The following MACROD2 variants were observed in gnomAD, a reference collection of about 807,000 sequenced individuals.
MACROD2 encodes ADP-ribose glycohydrolase MACROD2.
In MACROD2, 36 loss-of-function variants were observed where a neutral mutation model predicts 70.4. The observed-to-expected ratio is 0.51, with a 90% CI of 0.39 to 0.68. The LOEUF is 0.68. Ranked by LOEUF, MACROD2 falls within the 30% of genes least tolerant of loss-of-function variation. The probability of loss-of-function intolerance (pLI) is 0.00; values close to 1 mark genes in which losing one functional copy is unlikely to be tolerated. For synonymous variants in MACROD2, 172 were observed against 178.8 expected (o/e 0.96, Z 0.30); for missense variants, 496 against 538.4 (o/e 0.92, Z 0.78).
chr20:14,535,242 G>A lies in MACROD2; in HGVS notation c.301+41734G>A, dbSNP rs1459550897. On this transcript the variant is annotated intron_variant, in intron 4 of 17. Coordinates refer to ENST00000684519, the MANE Select transcript of MACROD2 (RefSeq NM_001351661.2). ...ATCTTGGCTGGGCGCAGTGGCTCACGCCTGTAATCCCAGCACTTTGGGAGG... is the reference window on the plus strand; with the variant it reads ...ATCTTGGCTGGGCGCAGTGGCTCACACCTGTAATCCCAGCACTTTGGGAGG... Among the ~76,000 whole-genome samples, 11 of 152,076 alleles carry A rather than the reference G, an allele frequency of 7.2e-5. No individual in the cohort carries two copies. In the South Asian group the frequency reaches 1.4e-3, roughly 20 times the overall value.
At chr20:15,534,838 C>T (rs2047852089) in intron 8 of MACROD2, among the ~76,000 whole-genome samples, 1 of 152,082 alleles carries the variant, frequency 6.6e-6, no homozygotes. Flanking sequence ...AGCATCTTGC[C>T]AACTCTAAAT....
intron 4 of MACROD2, among the ~76,000 whole-genome samples, chr20:14,612,733 G>A (rs1244847619): frequency 1.3e-5 from 2 of 151,968 alleles, no homozygotes; most frequent in Non-Finnish European, 2.9e-5. Flanking sequence ...GATCTATAAA[G>A]TTCTTAAAAC....
At chr20:14,046,752 T>C (rs1010678902) in intron 2 of MACROD2, among the ~76,000 whole-genome samples, 7 of 151,228 alleles carry the variant, frequency 4.6e-5, no homozygotes, top group Admixed American at 4.6e-4. Context: ...TATTTATTTA[T>C]TTATTAAGCT....
At chr20:14,102,412 A>G (rs570865618) in intron 3 of MACROD2, among the ~76,000 whole-genome samples, 92 of 152,248 alleles carry the variant, frequency 6.0e-4, no homozygotes, top group African/African-American at 1.9e-3. Flanking sequence ...CAGACTTCTT[A>G]ATTTGGGATA....
intron 5 of MACROD2, among the ~76,000 whole-genome samples, chr20:15,049,288 A>G (rs2123047638): frequency 6.6e-6 from 1 of 152,138 alleles, no homozygotes; most frequent in African/African-American, 2.4e-5. Flanking sequence ...GAAGGGAAAG[A>G]AAGAGGGAGA....
chr20:15,586,423 A>G (rs2048602462), intron 8 of MACROD2, among the ~76,000 whole-genome samples: 1 of 152,252 alleles, frequency 6.6e-6, no homozygotes, highest in Non-Finnish European at 1.5e-5. Context: ...TAAAGCATTA[A>G]TTGATTTTTC....
chr20:15,482,837 C>T (rs754769268), intron 7 of MACROD2, among the ~76,000 whole-genome samples: 16 of 152,278 alleles, frequency 1.1e-4, no homozygotes, highest in African/African-American at 1.4e-4. Flanking sequence ...AGCATCTTTA[C>T]ATATGCCTAT....
intron 3 of MACROD2, among the ~76,000 whole-genome samples, chr20:14,119,694 T>C (rs1163636795): frequency 6.6e-6 from 1 of 152,212 alleles, no homozygotes; most frequent in East Asian, 1.9e-4. Flanking sequence ...ATATGTCAAA[T>C]AGCCTGTGCT....
chr20:15,729,532 A>G (rs914170729), intron 8 of MACROD2, among the ~76,000 whole-genome samples: 1 of 152,106 alleles, frequency 6.6e-6, no homozygotes, highest in African/African-American at 2.4e-5. Context: ...TCTCTCCATA[A>G]GTCTTTAAGA....
At chr20:14,508,145 GT>G (rs2123140325) in intron 4 of MACROD2, among the ~76,000 whole-genome samples, 1 of 152,272 alleles carries the variant, frequency 6.6e-6, no homozygotes, top group Non-Finnish European at 1.5e-5. Flanking sequence ...AGAAACAAGA[GT>G]TTCACCTCTG....
chr20:14,567,058 A>T (rs982242096), intron 4 of MACROD2: 1 of 151,962 alleles, frequency 6.6e-6, no homozygotes, highest in African/African-American at 2.4e-5. Context: ...CCTGGGCTCC[A>T]GTGATCCTTT....
rs1230532348 is a variant in MACROD2, at chr20:14,636,083, G to A, written c.302-48760G>A. ...ATTTTCAAGGTTTATTTATCTTCAT[G>A]TTTACTTGATGTAATTCTATTGCTC... On this transcript the variant is annotated intron_variant, in intron 4 of 17. Coordinates refer to ENST00000684519, the MANE Select transcript of MACROD2 (RefSeq NM_001351661.2). Among the ~76,000 whole-genome samples the A allele has an allele frequency of 2.6e-5, 4 of 152,040 alleles. No individual in the cohort carries two copies. In the East Asian group the frequency reaches 7.7e-4, roughly 29 times the overall value.
At chr20:15,717,297 T>C (rs2050721046) in intron 8 of MACROD2, among the ~76,000 whole-genome samples, 1 of 152,240 alleles carries the variant, frequency 6.6e-6, no homozygotes, top group African/African-American at 2.4e-5. Context: ...AATTAAATAG[T>C]CAGGCATCTA....
chr20:15,270,179 A>C (rs1280620493), intron 6 of MACROD2, among the ~76,000 whole-genome samples: 6 of 134,670 alleles, frequency 4.5e-5, no homozygotes, highest in Admixed American at 2.3e-4. Context: ...TTTTGGCTGT[A>C]CACAAGTGTT....
chr20:15,147,297 A>G (rs576658845), intron 5 of MACROD2, among the ~76,000 whole-genome samples: 2 of 152,308 alleles, frequency 1.3e-5, no homozygotes, highest in East Asian at 1.9e-4. Flanking sequence ...CTTATCTCTC[A>G]TCTATAGACT....
intron 3 of MACROD2, among the ~76,000 whole-genome samples, chr20:14,141,090 T>C (rs912153550): frequency 6.6e-6 from 1 of 152,216 alleles, no homozygotes; most frequent in Non-Finnish European, 1.5e-5. Context: ...ATCCTTAGAC[T>C]AATTCTAATC....
At chr20:15,115,124 C>A (rs889340222) in intron 5 of MACROD2, among the ~76,000 whole-genome samples, 1 of 152,138 alleles carries the variant, frequency 6.6e-6, no homozygotes, top group African/African-American at 2.4e-5. Context: ...TAATCAGAAT[C>A]TATTCTATTT....
chr20:14,793,808 A>C (rs1269778350), intron 5 of MACROD2, among the ~76,000 whole-genome samples: 4 of 152,118 alleles, frequency 2.6e-5, no homozygotes, highest in Non-Finnish European at 4.4e-5. Context: ...AGGTACAATG[A>C]GAATTGCACC....
At chr20:15,573,297 A>G (rs373617652) in intron 8 of MACROD2, among the ~76,000 whole-genome samples, 11 of 152,310 alleles carry the variant, frequency 7.2e-5, no homozygotes, top group African/African-American at 2.6e-4. Flanking sequence ...AAATATAATG[A>G]AAATAAACTT....
Sources: allele counts gnomAD v4.1 joint callset (sites outside exome capture counted in the v4.1 genomes callset), GRCh38; gene constraint gnomAD v4.1.1; transcripts MANE v1.5; gene names NCBI Gene and HGNC (gene_info 2026-07-23, HGNC 2026-07-21).